The following PRKD1 variants were observed in gnomAD, a reference collection of about 807,000 sequenced individuals.
PRKD1 encodes the protein protein kinase D1, also known as serine/threonine-protein kinase D1.
In PRKD1, 63 loss-of-function variants were observed where a neutral mutation model predicts 95.9. The observed-to-expected ratio is 0.66, with a 90% CI of 0.54 to 0.81. PRKD1 has a LOEUF of 0.81. Among genes scored for constraint, PRKD1 ranks in the 30% least tolerant of loss-of-function variants. PRKD1 has a pLI of 0.00. For missense variants in PRKD1, 1,048 were observed against 1,165.3 expected (o/e 0.90, Z 1.47); for synonymous variants, 425 against 423.1 (o/e 1.00, Z -0.05).
chr14:29,666,163 A>G lies in PRKD1; in HGVS notation c.449T>C (p.Phe150Ser). The change falls in exon 3 of 18, where the codon TTT (phenylalanine) becomes TCT (serine). Residue 150 changes from phenylalanine to serine, a missense_variant. Physicochemically the swap from Phe to Ser is radical, Grantham distance 155. Around this residue, in one of 3 missense-constraint regions of PRKD1, gnomAD observed 275 missense variants for 248.6 expected, o/e 1.11. Transcript: ENST00000331968. Reference sequence around the variant, plus strand: ...AGCTGGAGCTCTGTATGAATGAACAAAGAGAGCGTGGGGACGAATCTGAAA... The same window carrying G: ...AGCTGGAGCTCTGTATGAATGAACAGAGAGAGCGTGGGGACGAATCTGAAA... ...EDFQIRPHAL[F>S]VHSYRAPAFC... The G allele has an allele frequency of 6.2e-7, 1 of 1,608,052 alleles. No individual in the cohort carries two copies.
At chr14:29,845,513 G>A (rs1049225786) in intron 1 of PRKD1, among the ~76,000 whole-genome samples, 8 of 152,078 alleles carry the variant, frequency 5.3e-5, no homozygotes, top group Non-Finnish European at 1.0e-4. Context: ...CTAAGCATAA[G>A]ACAATGGGAT....
intron 2 of PRKD1, among the ~76,000 whole-genome samples, chr14:29,708,844 C>T (rs1463112321): frequency 6.6e-6 from 1 of 152,142 alleles, no homozygotes; most frequent in Non-Finnish European, 1.5e-5. Context: ...ACCTGGGTGA[C>T]AGAGCAAGTC....
At chr14:29,687,707 T>C (rs1287656542) in intron 2 of PRKD1, among the ~76,000 whole-genome samples, 2 of 152,248 alleles carry the variant, frequency 1.3e-5, no homozygotes, top group Non-Finnish European at 2.9e-5. Context: ...CTTTGTCTTC[T>C]GATCATCTTC....
intron 1 of PRKD1, among the ~76,000 whole-genome samples, chr14:29,774,760 G>A (rs897626769): frequency 1.5e-4 from 23 of 152,104 alleles, no homozygotes; most frequent in Non-Finnish European, 2.8e-4. Context: ...CCTTATTCAT[G>A]GTCACACAAT....
chr14:29,718,604 G>T (rs765754987), intron 2 of PRKD1, among the ~76,000 whole-genome samples: 61 of 152,262 alleles, frequency 4.0e-4, no homozygotes, highest in African/African-American at 7.0e-4. Flanking sequence ...GGAGAAAAGA[G>T]AAATGACGTG....
At chr14:29,723,577 C>A (rs1166917511) in intron 2 of PRKD1, among the ~76,000 whole-genome samples, 1 of 151,938 alleles carries the variant, frequency 6.6e-6, no homozygotes, top group African/African-American at 2.4e-5. Flanking sequence ...GAGCAAATCA[C>A]AATGCTAAGC....
chr14:29,709,540 G>A (rs1885245824), intron 2 of PRKD1, among the ~76,000 whole-genome samples: 1 of 152,156 alleles, frequency 6.6e-6, no homozygotes. Flanking sequence ...GATAGATACA[G>A]ATGCAGATAC....
intron 13 of PRKD1, among the ~76,000 whole-genome samples, chr14:29,620,533 C>T (rs370772910): frequency 1.4e-5 from 2 of 145,970 alleles, no homozygotes; most frequent in Admixed American, 6.9e-5. Flanking sequence ...ACAGACACTT[C>T]TCAAAAGAAG....
At chr14:29,578,543 TAAAAAAAAAAAAA>T (rs992449669) in intron 16 of PRKD1, among the ~76,000 whole-genome samples, 183 bp from the exon 17 acceptor site, 2 of 42,684 alleles carry the variant, frequency 4.7e-5, no homozygotes, top group Non-Finnish European at 4.9e-5. Flanking sequence ...TTTTGGATAC[TAAAAAAAAAAAAA>T]AAAAAAAAAA....
chr14:29,634,643 A>G, intron 7 of PRKD1, 102 bp from the exon 8 acceptor site: 4 of 1,440,062 alleles, frequency 2.8e-6, no homozygotes, highest in Non-Finnish European at 2.9e-6. Context: ...GAAACTTTAC[A>G]AAATTCACAT....
chr14:29,713,656 A>G (rs1427602004), intron 2 of PRKD1, among the ~76,000 whole-genome samples: 1 of 152,176 alleles, frequency 6.6e-6, no homozygotes, highest in Non-Finnish European at 1.5e-5. Context: ...AAAGCCATTC[A>G]TAAATGGTAC....
At position 29,735,295 on chromosome 14, in the gene PRKD1, C is replaced by T. The variant is rs117877374; in HGVS notation, c.265-9621G>A. ...ACAAAATGTATGAATTATCATATAA[C>T]TCTCAGGCTCCAGTTTGAGCTACAC... On this transcript the variant is annotated intron_variant, in intron 1 of 17. Transcript: ENST00000331968. Among the ~76,000 whole-genome samples the T allele has an allele frequency of 1.9e-3, 293 of 152,222 alleles. 1 individual carries two copies. The highest frequency in any genetic ancestry group is 3.2e-3 in the Non-Finnish European group (216 of 68,004).
chr14:29,813,636 T>A (rs1890579666), intron 1 of PRKD1, among the ~76,000 whole-genome samples: 1 of 152,040 alleles, frequency 6.6e-6, no homozygotes, highest in African/African-American at 2.4e-5. Flanking sequence ...TTAGATGAGG[T>A]AATGGAAGAA....
chr14:29,838,367 C>T (rs977603284), intron 1 of PRKD1, among the ~76,000 whole-genome samples: 1 of 152,016 alleles, frequency 6.6e-6, no homozygotes, highest in African/African-American at 2.4e-5. Flanking sequence ...TAATATCAAG[C>T]CATAAGTGCT....
At chr14:29,664,228 C>T (rs1051783934) in intron 3 of PRKD1, among the ~76,000 whole-genome samples, 1 of 152,160 alleles carries the variant, frequency 6.6e-6, no homozygotes, top group Non-Finnish European at 1.5e-5. Context: ...CACAGCACAT[C>T]ACAAGTTTTA....
At chr14:29,914,104 G>A (rs532044855) in intron 1 of PRKD1, among the ~76,000 whole-genome samples, 77 of 152,354 alleles carry the variant, frequency 5.1e-4, no homozygotes, top group African/African-American at 1.7e-3. Context: ...AATTGTGAAT[G>A]TGCTTTAGGT....
intron 1 of PRKD1, among the ~76,000 whole-genome samples, chr14:29,763,826 G>C (rs933386604): frequency 1.6e-4 from 25 of 152,172 alleles, no homozygotes; most frequent in Admixed American, 6.5e-5. Flanking sequence ...TCTACACAGA[G>C]TTCAGAACTA....
Position 29,630,918 on chromosome 14 carries a change from A to AC in PRKD1, c.1495dup (p.Val499GlyfsTer19). 6 of 1,614,100 alleles carry AC rather than the reference A, an allele frequency of 3.7e-6. 1 individual carries two copies. The Middle Eastern group carries it at 9.9e-4, about 266-fold the overall frequency. ...CACATTTTCTCCCACATAATACACT[A>AC]CATTTGCCGTAGTGATTTCGAAACA... On this transcript the variant is annotated frameshift_variant, in exon 10 of 18. Transcript: ENST00000331968. LOFTEE classifies it high-confidence loss of function.
chr14:29,756,141 T>C (rs765643835), intron 1 of PRKD1, among the ~76,000 whole-genome samples: 2 of 152,260 alleles, frequency 1.3e-5, no homozygotes, highest in South Asian at 2.1e-4. Flanking sequence ...AATACCCCCA[T>C]TGAGTTTCCA....
Sources: allele counts gnomAD v4.1 joint callset (sites outside exome capture counted in the v4.1 genomes callset), GRCh38; gene constraint gnomAD v4.1.1; regional missense constraint gnomAD v4.1.1; transcripts MANE v1.5; gene names NCBI Gene and HGNC (gene_info 2026-07-23, HGNC 2026-07-21).